Variants in PTPRM observed in about 807,000 individuals in gnomAD.
PTPRM encodes receptor-type tyrosine-protein phosphatase mu.
A neutral mutation model predicts 186.7 loss-of-function variants in PTPRM; 47 were observed. That is an observed-to-expected ratio of 0.25 (90% CI 0.20 to 0.32). PTPRM has a LOEUF of 0.32. Among genes scored for constraint, PTPRM ranks in the 10% least tolerant of loss-of-function variants. PTPRM has a pLI of 1.00. For synonymous variants in PTPRM, 668 were observed against 674.9 expected, an observed-to-expected ratio of 0.99 and a Z score of 0.16; for missense variants, 1,494 against 1,865.0, an observed-to-expected ratio of 0.80 and a Z score of 3.66.
chr18:7,643,131 AGAT>A (rs1236102330), intron 1 of PTPRM, among the ~76,000 whole-genome samples: 2 of 152,102 alleles, frequency 1.3e-5, no homozygotes, highest in Admixed American at 1.3e-4. Flanking sequence ...TGAAACCATG[AGAT>A]GATGATGTTC....
intron 11 of PTPRM, among the ~76,000 whole-genome samples, chr18:8,091,390 T>C (rs904036919): frequency 2.0e-5 from 3 of 152,172 alleles, no homozygotes; most frequent in Non-Finnish European, 4.4e-5. Flanking sequence ...TTGAAATTAA[T>C]AAATATATCC....
intron 23 of PTPRM, among the ~76,000 whole-genome samples, chr18:8,358,720 G>T (rs1347327150): frequency 6.6e-6 from 1 of 152,208 alleles, no homozygotes; most frequent in Non-Finnish European, 1.5e-5. Flanking sequence ...ACCTTCAGCT[G>T]CCATGTTGCC....
intron 2 of PTPRM, among the ~76,000 whole-genome samples, chr18:7,797,283 T>G (rs896443958): frequency 4.6e-5 from 7 of 152,220 alleles, no homozygotes; most frequent in African/African-American, 1.4e-4. Context: ...CTGTGAAGCC[T>G]CCTGTCCTGT....
chr18:7,922,063 T>C (rs1349589681), intron 4 of PTPRM, among the ~76,000 whole-genome samples: 1 of 152,174 alleles, frequency 6.6e-6, no homozygotes, highest in Non-Finnish European at 1.5e-5. Context: ...TTGATTTCCC[T>C]TTTTTTCCTC....
chr18:8,268,645 C>T (rs1358935871), intron 19 of PTPRM, among the ~76,000 whole-genome samples: 2 of 152,032 alleles, frequency 1.3e-5, no homozygotes, highest in South Asian at 2.1e-4. Context: ...TAACCAATAT[C>T]CCCAGTGAAT....
intron 3 of PTPRM, among the ~76,000 whole-genome samples, chr18:7,898,377 C>T (rs2049480674): frequency 6.6e-6 from 1 of 152,172 alleles, no homozygotes; most frequent in Non-Finnish European, 1.5e-5. Flanking sequence ...CCTTTCTTTG[C>T]TTACACATAG....
chr18:7,678,997 C>T (rs2039415919), intron 1 of PTPRM, among the ~76,000 whole-genome samples: 1 of 152,180 alleles, frequency 6.6e-6, no homozygotes. Context: ...TTCTTCCTGC[C>T]TGCAGCAATG....
chr18:7,572,228 T>G (rs550658035), intron 1 of PTPRM, among the ~76,000 whole-genome samples: 1 of 152,330 alleles, frequency 6.6e-6, no homozygotes, highest in African/African-American at 2.4e-5. Context: ...GAAAAGAATC[T>G]ATTGACATGT....
rs977404192 is a variant in PTPRM at position 7,668,352 on chromosome 18, C to A, written c.73+100461C>A. On this transcript the variant is annotated intron_variant, in intron 1 of 32. Coordinates refer to ENST00000580170, the MANE Select transcript of PTPRM (RefSeq NM_001105244.2). The surrounding 1 kb of genome is among the most constrained non-coding windows in gnomAD (Gnocchi z 4.7). Reference sequence around the variant, plus strand: ...CAGCCTTTTCTCTCTCAGCCCAGAGCAGACACCATTATTCTTATCTTTGTC... The same window carrying A: ...CAGCCTTTTCTCTCTCAGCCCAGAGAAGACACCATTATTCTTATCTTTGTC... 3.3e-5 allele frequency among the ~76,000 whole-genome samples: 5 copies of A among 152,220 alleles called. No individual in the cohort carries two copies. Among genetic ancestry groups the A allele is most frequent in the Non-Finnish European group, 7.3e-5 (5 of 68,036 alleles).
intron 14 of PTPRM, among the ~76,000 whole-genome samples, chr18:8,146,355 A>G (rs2092885684): frequency 6.6e-6 from 1 of 152,106 alleles, no homozygotes; most frequent in African/African-American, 2.4e-5. Flanking sequence ...TCTAACTGGC[A>G]TAATATGGTA....
intron 5 of PTPRM, among the ~76,000 whole-genome samples, chr18:7,939,438 T>C (rs892498022): frequency 1.3e-5 from 2 of 152,262 alleles, no homozygotes; most frequent in African/African-American, 4.8e-5. Context: ...CTTTTGCTGG[T>C]AAATTACTGC....
intron 1 of PTPRM, among the ~76,000 whole-genome samples, chr18:7,771,092 C>G (rs141794106): frequency 3.7e-4 from 57 of 152,286 alleles, no homozygotes; most frequent in African/African-American, 1.3e-3. Context: ...CTCAGCCACA[C>G]GTGCATGCTT....
chr18:8,251,071 C>G (rs927073630), intron 17 of PTPRM, among the ~76,000 whole-genome samples: 8 of 152,046 alleles, frequency 5.3e-5, no homozygotes, highest in African/African-American at 1.9e-4. Flanking sequence ...AGACGTGTTC[C>G]ACACTAGTAA....
intron 19 of PTPRM, among the ~76,000 whole-genome samples, chr18:8,255,745 C>T (rs939109046): frequency 2.6e-5 from 4 of 152,164 alleles, no homozygotes; most frequent in Admixed American, 2.0e-4. Context: ...GGAATAATCC[C>T]GTCACTGAGT....
chr18:8,077,555 AG>A (rs1215036917), intron 9 of PTPRM, among the ~76,000 whole-genome samples: 2 of 152,220 alleles, frequency 1.3e-5, no homozygotes, highest in East Asian at 1.9e-4. Flanking sequence ...TCATTGTAAA[AG>A]AATTGAATAT....
chr18:7,838,102 A>G (rs1188680439), intron 2 of PTPRM, among the ~76,000 whole-genome samples: 6 of 152,168 alleles, frequency 3.9e-5, no homozygotes, highest in Non-Finnish European at 1.5e-5. Flanking sequence ...TGGGTAATTT[A>G]TAAAGAGGTT....
intron 19 of PTPRM, among the ~76,000 whole-genome samples, chr18:8,272,344 T>G (rs374247648): frequency 6.6e-6 from 1 of 152,042 alleles, no homozygotes; most frequent in African/African-American, 2.4e-5. Context: ...TTTCTTTGAG[T>G]TTATTCTTTT....
At chr18:7,737,245 G>A (rs1232799970) in intron 1 of PTPRM, among the ~76,000 whole-genome samples, 5 of 151,964 alleles carry the variant, frequency 3.3e-5, no homozygotes, top group Non-Finnish European at 7.4e-5. Flanking sequence ...ACAGGTGCCC[G>A]CCACCACGCC....
At chr18:8,099,508 G>A (rs550191429) in intron 11 of PTPRM, among the ~76,000 whole-genome samples, 19 of 152,012 alleles carry the variant, frequency 1.2e-4, no homozygotes, top group Non-Finnish European at 2.8e-4. Flanking sequence ...ACTATGACTG[G>A]GTTTGCATAT....
Sources: gnomAD v4.1 joint callset for allele counts (sites outside exome capture counted in the v4.1 genomes callset) on GRCh38, gnomAD v4.1.1 for gene constraint, Gnocchi (gnomAD v3.1) non-coding constraint, MANE v1.5 for transcripts, NCBI Gene and HGNC (gene_info 2026-07-23, HGNC 2026-07-21) for gene names.